The following PHF21B variants were observed in gnomAD, a reference collection of about 807,000 sequenced individuals.
PHF21B encodes the protein PHD finger protein 21B.
In PHF21B, 22 loss-of-function variants were observed where a neutral mutation model predicts 62.2. The ratio of observed to expected loss-of-function variants is 0.35; its 90% CI spans 0.25 to 0.51. PHF21B has a LOEUF of 0.51. PHF21B is among the 20% of genes least tolerant of loss of function. The probability of loss-of-function intolerance (pLI) is 0.97; values close to 1 mark genes in which losing one functional copy is unlikely to be tolerated. For synonymous variants in PHF21B, 341 were observed against 314.7 expected (o/e 1.08, Z -0.88); for missense variants, 701 against 707.9 (o/e 0.99, Z 0.11).
intron 2 of PHF21B, among the ~76,000 whole-genome samples, chr22:44,995,935 C>T (rs1162129691): frequency 3.3e-5 from 5 of 152,060 alleles, no homozygotes; most frequent in South Asian, 2.1e-4. Flanking sequence ...GCGGAGGGGA[C>T]GTGGCAAGGG....
At chr22:44,995,218 C>T (rs2073101163) in intron 2 of PHF21B, among the ~76,000 whole-genome samples, 1 of 152,160 alleles carries the variant, frequency 6.6e-6, no homozygotes, top group African/African-American at 2.4e-5. Flanking sequence ...ACAAGTGCCA[C>T]AGAAGTTCAT....
chr22:44,967,517 G>A (rs546003271), intron 2 of PHF21B, among the ~76,000 whole-genome samples: 78 of 152,198 alleles, frequency 5.1e-4, no homozygotes, highest in South Asian at 2.7e-3. Flanking sequence ...CACTGTGCCC[G>A]GCCAGTCTTT....
chr22:44,947,993 T>G (rs2072110887), intron 2 of PHF21B, among the ~76,000 whole-genome samples: 2 of 151,978 alleles, frequency 1.3e-5, no homozygotes, highest in Non-Finnish European at 2.9e-5. Flanking sequence ...CTGTTGTCCC[T>G]CCTCCCCGCT....
chr22:44,893,296 G>A lies in PHF21B; in HGVS notation c.960+161C>T, dbSNP rs181500725. 1.6e-3 allele frequency among the ~76,000 whole-genome samples: 247 copies of A among 152,326 alleles called. 1 individual carries two copies. Among genetic ancestry groups the A allele is most frequent in the African/African-American group, 5.7e-3 (235 of 41,560 alleles). ...AATTGACTGTCAACTCGGAGGTGAT[G>A]AGAGAGATGATTTACGGTCACCCCC... On this transcript the variant is annotated intron_variant, in intron 7 of 12. Transcript: ENST00000313237.
chr22:44,904,985 T>G (rs1483203554), intron 5 of PHF21B, among the ~76,000 whole-genome samples: 1 of 152,206 alleles, frequency 6.6e-6, no homozygotes, highest in Non-Finnish European at 1.5e-5. Flanking sequence ...TGGTAGTTTT[T>G]TATGATTTTT....
chr22:44,984,981 G>A (rs2072920274), intron 2 of PHF21B, among the ~76,000 whole-genome samples: 1 of 152,198 alleles, frequency 6.6e-6, no homozygotes, highest in African/African-American at 2.4e-5. Flanking sequence ...GTCTTTAAAA[G>A]TGATGTTGGC....
At chr22:44,993,224 A>T (rs1276171053) in intron 2 of PHF21B, among the ~76,000 whole-genome samples, 1 of 152,188 alleles carries the variant, frequency 6.6e-6, no homozygotes, top group Non-Finnish European at 1.5e-5. Flanking sequence ...ACAGTTTAAC[A>T]TACAGACAAC....
intron 2 of PHF21B, among the ~76,000 whole-genome samples, chr22:44,958,629 G>T (rs2072353699): frequency 3.9e-5 from 3 of 77,240 alleles, no homozygotes; most frequent in African/African-American, 5.4e-5. Flanking sequence ...TTTTTGAGAT[G>T]GAGTCTTACT....
rs562604976 is a variant in PHF21B, at chr22:44,977,416, T to A, written c.120+31129A>T. Among the ~76,000 whole-genome samples, 44 of 152,206 alleles carry A rather than the reference T, an allele frequency of 2.9e-4. 2 individuals are homozygous for A. The South Asian group carries it at 8.9e-3, about 31-fold the overall frequency. On this transcript the variant is annotated intron_variant, in intron 2 of 12. Coordinates refer to ENST00000313237, the MANE Select transcript of PHF21B (RefSeq NM_138415.5). ...CCCATCTTTACTAAAAATACAAAAATTAGCCAGGTGTGGTTGTGTGCGCCT... is the reference window on the plus strand; with the variant it reads ...CCCATCTTTACTAAAAATACAAAAAATAGCCAGGTGTGGTTGTGTGCGCCT...
intron 5 of PHF21B, among the ~76,000 whole-genome samples, chr22:44,907,328 C>T (rs1213616329): frequency 3.3e-5 from 5 of 152,234 alleles, no homozygotes; most frequent in Non-Finnish European, 4.4e-5. Context: ...CCGGCTGGCT[C>T]AAGCTGAGTT....
chr22:44,925,428 T>G (rs921545601), intron 2 of PHF21B, among the ~76,000 whole-genome samples: 10 of 152,140 alleles, frequency 6.6e-5, no homozygotes, highest in African/African-American at 2.2e-4. Flanking sequence ...GCTGCTTCTC[T>G]CATTATGCTC....
chr22:44,891,502 G>T (rs892342177), intron 7 of PHF21B, 142 bp from the exon 8 acceptor site: 6 of 927,512 alleles, frequency 6.5e-6, no homozygotes, highest in African/African-American at 1.6e-5. Context: ...CCTGCCAGGG[G>T]CAGAAATAGG....
At chr22:44,967,053 T>C (rs905414557) in intron 2 of PHF21B, 2 of 152,074 alleles carry the variant, frequency 1.3e-5, no homozygotes, top group Admixed American at 6.5e-5. Context: ...CTCTTTCTGC[T>C]TCTCCATGGA....
intron 2 of PHF21B, among the ~76,000 whole-genome samples, chr22:44,977,519 C>A (rs2072759768): frequency 6.6e-6 from 1 of 151,526 alleles, no homozygotes; most frequent in Non-Finnish European, 1.5e-5. Context: ...GAGATGCGAT[C>A]ATACCTCTAC....
chr22:44,886,877 G>A (rs533252409), intron 10 of PHF21B, among the ~76,000 whole-genome samples: 1 of 152,182 alleles, frequency 6.6e-6, no homozygotes, highest in East Asian at 1.9e-4. Context: ...CTCCCGGCCT[G>A]GGTGCAGTGG....
At chr22:44,940,803 C>T (rs2071941251) in intron 2 of PHF21B, among the ~76,000 whole-genome samples, 1 of 152,166 alleles carries the variant, frequency 6.6e-6, no homozygotes, top group South Asian at 2.1e-4. Context: ...GAGGCAAACT[C>T]TTGGCCCATG....
rs5766205 is a variant in PHF21B, at chr22:44,933,539, T to C, written c.121-13049A>G. On this transcript the variant is annotated intron_variant, in intron 2 of 12. Coordinates refer to ENST00000313237, the MANE Select transcript of PHF21B (RefSeq NM_138415.5). ...GCGATCTGGGGAAACAGACCAGAAG[T>C]GAGCATCAGAACGTGCTGCCCGCAA... 6,175 of 985,344 alleles carry C rather than the reference T, an allele frequency of 6.3e-3. 720 individuals are homozygous for C. In the East Asian group the frequency reaches 0.35, roughly 56 times the overall value. The allele number at this position is 985,344 out of a possible 1,614,324, so 61.0% of individuals were successfully genotyped here.
intron 2 of PHF21B, among the ~76,000 whole-genome samples, chr22:44,951,255 C>T (rs894859083): frequency 3.3e-5 from 5 of 152,178 alleles, no homozygotes; most frequent in Admixed American, 6.5e-5. Context: ...CGCAGATCAT[C>T]GGGCATTAGA....
intron 5 of PHF21B, among the ~76,000 whole-genome samples, chr22:44,912,116 T>C (rs1166701267): frequency 1.3e-5 from 2 of 152,218 alleles, no homozygotes; most frequent in African/African-American, 2.4e-5. Context: ...TTTCTCCCAT[T>C]TGGAATGGCT....
Sources: allele counts gnomAD v4.1 joint callset (sites outside exome capture counted in the v4.1 genomes callset), GRCh38; gene constraint gnomAD v4.1.1; transcripts MANE v1.5; gene names NCBI Gene and HGNC (gene_info 2026-07-23, HGNC 2026-07-21).